Variants in SLC44A5 observed in about 807,000 individuals in gnomAD.
SLC44A5 encodes the protein solute carrier family 44 member 5.
In SLC44A5, 57 loss-of-function variants were observed where a neutral mutation model predicts 101.8. That is an observed-to-expected ratio of 0.56 (90% CI 0.45 to 0.70). The LOEUF is 0.70. Ranked by LOEUF, SLC44A5 falls within the 30% of genes least tolerant of loss-of-function variation. SLC44A5 has a pLI of 0.00. For synonymous variants in SLC44A5, 281 were observed against 290.9 expected (o/e 0.97, Z 0.35); for missense variants, 737 against 853.1 (o/e 0.86, Z 1.70).
At chr1:75,518,173 T>C (rs1391968729) in intron 2 of SLC44A5, among the ~76,000 whole-genome samples, 1 of 152,218 alleles carries the variant, frequency 6.6e-6, no homozygotes. Flanking sequence ...TTATGAGCAG[T>C]TTAAATTCGA....
intron 2 of SLC44A5, among the ~76,000 whole-genome samples, chr1:75,505,157 A>G (rs1460550318): frequency 1.3e-5 from 2 of 152,170 alleles, no homozygotes; most frequent in African/African-American, 4.8e-5. Context: ...ATGTTGCTGC[A>G]AAGGACATGA....
intron 1 of SLC44A5, among the ~76,000 whole-genome samples, chr1:75,587,285 CT>C (rs1408461785): frequency 6.6e-6 from 1 of 152,104 alleles, no homozygotes; most frequent in African/African-American, 2.4e-5. Flanking sequence ...AAAATTTGGC[CT>C]TAAATAAAAG....
At chr1:75,633,624 A>G in the SLC44A5 span, among the ~76,000 whole-genome samples, 1 of 152,054 alleles carries the variant, frequency 6.6e-6, no homozygotes, top group South Asian at 2.1e-4. Flanking sequence ...TTTTGGGCTG[A>G]GACAATGGGG....
chr1:75,522,888 A>G (rs907873876), intron 2 of SLC44A5, among the ~76,000 whole-genome samples: 3 of 152,188 alleles, frequency 2.0e-5, no homozygotes, highest in African/African-American at 4.8e-5. Context: ...CAGAGAGGGC[A>G]GCTCTTGAAG....
At chr1:75,374,527 A>G (rs1249806) in intron 3 of SLC44A5, among the ~76,000 whole-genome samples, 152,216 of 152,260 alleles carry the variant, frequency 1, 76,086 homozygotes, top group Middle Eastern at 1. Context: ...TAAGGCCTGT[A>G]GACAAACTTG....
At chr1:75,645,791 T>C in the SLC44A5 span, among the ~76,000 whole-genome samples, 1 of 136,234 alleles carries the variant, frequency 7.3e-6, no homozygotes, top group African/African-American at 2.5e-5. Flanking sequence ...CTTTAATCCA[T>C]CTTGAATTCA....
intron 2 of SLC44A5, among the ~76,000 whole-genome samples, chr1:75,457,345 T>TA (rs1369532831): frequency 1.1e-4 from 16 of 151,988 alleles, no homozygotes; most frequent in Non-Finnish European, 4.4e-5. Flanking sequence ...GAAGATGCTT[T>TA]AAAAAAACAG....
chr1:75,402,365 A>G (rs1274901271), intron 2 of SLC44A5: 7 of 315,056 alleles, frequency 2.2e-5, no homozygotes. Flanking sequence ...AACAGATGAC[A>G]TTTGAAATGT....
At chr1:75,646,892 T>C in the SLC44A5 span, among the ~76,000 whole-genome samples, 1 of 152,098 alleles carries the variant, frequency 6.6e-6, no homozygotes, top group African/African-American at 2.4e-5. Context: ...TGACAGAGCA[T>C]AAAAGCTCGG....
At chr1:75,616,213 C>T in the SLC44A5 span, among the ~76,000 whole-genome samples, 1 of 151,894 alleles carries the variant, frequency 6.6e-6, no homozygotes, top group African/African-American at 2.4e-5. Flanking sequence ...CCGCCCAGCG[C>T]TGACCTCCCC....
intron 2 of SLC44A5, among the ~76,000 whole-genome samples, chr1:75,476,870 G>C (rs1027924404): frequency 2.6e-5 from 4 of 152,206 alleles, no homozygotes; most frequent in Non-Finnish European, 4.4e-5. Context: ...AGACTTAAAT[G>C]TTCCTGTCTG....
At chr1:75,528,366 GA>G (rs1670538175) in intron 2 of SLC44A5, among the ~76,000 whole-genome samples, 1 of 151,820 alleles carries the variant, frequency 6.6e-6, no homozygotes, top group Non-Finnish European at 1.5e-5. Context: ...ATGAGAAGGA[GA>G]AAAAAAGGAT....
the SLC44A5 span, among the ~76,000 whole-genome samples, chr1:75,649,096 G>A: frequency 6.6e-6 from 1 of 152,180 alleles, no homozygotes; most frequent in Non-Finnish European, 1.5e-5. Context: ...AAATGGTAAT[G>A]TTGCATGTCT....
chr1:75,562,081 C>T (rs1188069442), intron 1 of SLC44A5, among the ~76,000 whole-genome samples: 1 of 151,932 alleles, frequency 6.6e-6, no homozygotes, highest in East Asian at 1.9e-4. Flanking sequence ...CAAACTTTCA[C>T]ATGTATCTCC....
the SLC44A5 span, among the ~76,000 whole-genome samples, chr1:75,686,977 A>G: frequency 6.6e-6 from 1 of 152,228 alleles, no homozygotes; most frequent in Non-Finnish European, 1.5e-5. Flanking sequence ...GTAAATACTA[A>G]TGCTTTTTGA....
At chr1:75,592,542 T>C (rs427955) in intron 1 of SLC44A5, among the ~76,000 whole-genome samples, 102,107 of 151,516 alleles carry the variant, frequency 0.67, 34,738 homozygotes, top group East Asian at 0.84. Flanking sequence ...GCCAAAGCTA[T>C]CCCAAGCAAA....
At chr1:75,351,190 T>C (rs978102463) in intron 3 of SLC44A5, among the ~76,000 whole-genome samples, 3 of 151,926 alleles carry the variant, frequency 2.0e-5, no homozygotes, top group African/African-American at 7.2e-5. Context: ...ATGCACTTCA[T>C]AACAAAATTC....
intron 2 of SLC44A5, among the ~76,000 whole-genome samples, chr1:75,535,975 G>A (rs1361651168): frequency 6.6e-6 from 1 of 151,588 alleles, no homozygotes; most frequent in African/African-American, 2.4e-5. Context: ...TTGGGAGGCG[G>A]AGGCGGGAGG....
chr1:75,371,893 A>G lies in SLC44A5; in HGVS notation c.52+24690T>C, dbSNP rs141385101. Among the ~76,000 whole-genome samples, 94 of 152,272 alleles carry G rather than the reference A, an allele frequency of 6.2e-4. 1 individual carries two copies. The highest frequency in any genetic ancestry group is 9.7e-4 in the Non-Finnish European group (66 of 68,010). On this transcript the variant is annotated intron_variant, in intron 3 of 23. Transcript: ENST00000370859. ...AAGAAAAAGCCAGGTTGGATTGACA[A>G]GGTATATAAAAGCTCCAAGGTAGCT...
Sources: gnomAD v4.1 joint callset for allele counts (sites outside exome capture counted in the v4.1 genomes callset) on GRCh38, gnomAD v4.1.1 for gene constraint, MANE v1.5 for transcripts, NCBI Gene and HGNC (gene_info 2026-07-23, HGNC 2026-07-21) for gene names.